The following DUSP11 variants were observed in gnomAD, a reference collection of about 807,000 sequenced individuals.
DUSP11 encodes the protein dual specificity phosphatase 11.
Under a neutral mutation model 41.4 loss-of-function variants are expected in DUSP11, and 27 were observed. The observed-to-expected ratio is 0.65, with a 90% CI of 0.48 to 0.90. DUSP11 has a LOEUF of 0.90. Among genes scored for constraint, DUSP11 ranks in the 40% least tolerant of loss-of-function variants. The pLI, the probability that DUSP11 is intolerant of heterozygous loss-of-function variation, is 0.00. For missense variants in DUSP11, 465 were observed against 461.1 expected, an observed-to-expected ratio of 1.01 and a Z score of -0.08; for synonymous variants, 188 against 159.3, an observed-to-expected ratio of 1.18 and a Z score of -1.35.
chr2:73,766,649 TTTAG>T, intron 7 of DUSP11, 55 bp from the exon 8 acceptor site: 1 of 1,530,144 alleles, frequency 6.5e-7, no homozygotes, highest in Non-Finnish European at 8.9e-7. Flanking sequence ...TAGTAGTCAA[TTTAG>T]TGACTATATT....
rs753138604 is a variant in DUSP11, at chr2:73,767,243, G to A, written c.636-36C>T. On this transcript the variant is annotated intron_variant, in intron 5 of 8. Coordinates refer to ENST00000272444, the Ensembl canonical transcript of DUSP11. ...AACATAATTTGGGTCATTTATATAC[G>A]AAAAGAAAAAAATCAAGTTTTTTCA... 5.2e-6 allele frequency: 8 copies of A among 1,549,306 alleles called. No individual in the cohort carries two copies. The East Asian group carries it at 6.8e-5, about 13-fold the overall frequency.
chr2:73,779,723 C>G, intron 1 of DUSP11, 151 bp downstream of exon 1: 2 of 1,165,580 alleles, frequency 1.7e-6, no homozygotes, highest in Non-Finnish European at 2.4e-6. Flanking sequence ...TCAGCTACAG[C>G]GGGTGGCGCA....
Position 73,778,384 on chromosome 2 carries a change from A to T in DUSP11, c.243-8T>A, listed in dbSNP as rs372146613. The T allele has an allele frequency of 9.5e-4, 1,421 of 1,501,602 alleles. 33 individuals carry two copies. The South Asian group carries it at 0.018, about 19-fold the overall frequency. The allele number at this position is 1,501,602 out of a possible 1,614,324, so 93.0% of individuals were successfully genotyped here. On this transcript the variant is annotated splice_region_variant and splice_polypyrimidine_tract_variant and intron_variant, in intron 1 of 8. Coordinates refer to ENST00000272444, the Ensembl canonical transcript of DUSP11. Reference sequence around the variant, plus strand: ...GGGAGATAGTCTTTCCACCTATTAGATATATTTTTTGTTAGCCAAATTGTA... The same window carrying T: ...GGGAGATAGTCTTTCCACCTATTAGTTATATTTTTTGTTAGCCAAATTGTA...
At chr2:73,779,261 T>C (rs903763043) in intron 1 of DUSP11, among the ~76,000 whole-genome samples, 7 of 152,126 alleles carry the variant, frequency 4.6e-5, no homozygotes, top group African/African-American at 1.4e-4. Context: ...TGACAGAAAG[T>C]GACAGTCAAA....
intron 1 of DUSP11, 26 bp from the exon 2 acceptor site, chr2:73,778,402 A>C (rs754244295): frequency 1.4e-6 from 2 of 1,412,084 alleles, no homozygotes; most frequent in Admixed American, 5.3e-5. Flanking sequence ...TTTGTTAGCC[A>C]AATTGTATGT....
chr2:73,768,816 C>T (rs538729012), intron 5 of DUSP11: 2 of 270,436 alleles, frequency 7.4e-6, no homozygotes, highest in Non-Finnish European at 5.7e-6. Flanking sequence ...ATTAGCCGGG[C>T]GTGGTGGCGG....
At chr2:73,779,718 T>C in intron 1 of DUSP11, 156 bp downstream of exon 1, 2 of 1,136,482 alleles carry the variant, frequency 1.8e-6, no homozygotes, top group Non-Finnish European at 1.2e-6. Context: ...CCCTTTCAGC[T>C]ACAGCGGGTG....
At chr2:73,769,466 C>A in intron 4 of DUSP11, 141 bp from the exon 5 acceptor site, 1 of 639,006 alleles carries the variant, frequency 1.6e-6, no homozygotes, top group Non-Finnish European at 2.6e-6. Context: ...AACAGAAAGC[C>A]AAAACTCACT....
intron 2 of DUSP11, 113 bp from the exon 3 acceptor site, chr2:73,775,157 C>T (rs1435995659): frequency 1.1e-6 from 1 of 929,834 alleles, no homozygotes; most frequent in African/African-American, 1.7e-5. Context: ...GGAAAGTTTC[C>T]ATTCTCCTGG....
intron 8 of DUSP11, among the ~76,000 whole-genome samples, chr2:73,765,151 C>T (rs993342375): frequency 6.6e-6 from 1 of 152,054 alleles, no homozygotes; most frequent in Non-Finnish European, 1.5e-5. Context: ...AGTGGGTGGA[C>T]TGAGTGGGAG....
At chr2:73,776,077 A>T (rs1672678622) in intron 2 of DUSP11, among the ~76,000 whole-genome samples, 1 of 151,958 alleles carries the variant, frequency 6.6e-6, no homozygotes, top group Non-Finnish European at 1.5e-5. Context: ...CTGTTCCTTC[A>T]ATCTGTCTGG....
exon 2 of DUSP11, chr2:73,778,349 C>T (rs1285791512): frequency 1.3e-6 from 2 of 1,551,194 alleles, no homozygotes; most frequent in African/African-American, 1.4e-5. Context: ...CAGGCATCCG[C>T]TGTCCAACTG....
At chr2:73,766,510 T>A in exon 8 of DUSP11, 4 of 1,614,148 alleles carry the variant, frequency 2.5e-6, no homozygotes, top group Non-Finnish European at 3.4e-6. Context: ...TAGGTCCTTG[T>A]TTAACAGGCT....
intron 8 of DUSP11, 28 bp from the exon 9 acceptor site, chr2:73,762,887 C>CTAGTAATGGCTT: frequency 1.7e-6 from 2 of 1,170,400 alleles, no homozygotes; most frequent in Non-Finnish European, 2.4e-6. Flanking sequence ...AGTAATAAGC[C>CTAGTAATGGCTT]ATTACTAGGA....
intron 8 of DUSP11, among the ~76,000 whole-genome samples, chr2:73,765,866 T>C (rs1277936272): frequency 6.6e-6 from 1 of 152,206 alleles, no homozygotes; most frequent in African/African-American, 2.4e-5. Context: ...ATCAAACTCT[T>C]GGCTTAAGTT....
exon 4 of DUSP11, chr2:73,773,814 T>G (rs1672630342): frequency 6.2e-7 from 1 of 1,607,104 alleles, no homozygotes; most frequent in Non-Finnish European, 8.5e-7. Context: ...ATCTTTATTT[T>G]CTTTCAAAAA....
At chr2:73,768,535 C>T (rs1200940264) in intron 5 of DUSP11, 4 of 985,218 alleles carry the variant, frequency 4.1e-6, no homozygotes, top group South Asian at 4.7e-5. Flanking sequence ...AAATTACCTC[C>T]GGGGCTATGA....
rs1672653777 is a variant in DUSP11, at chr2:73,775,131, TACA to T, written c.319-90_319-88del. 3.6e-6 allele frequency: 4 copies of T among 1,122,954 alleles called. No individual in the cohort carries two copies. In the South Asian group the frequency reaches 5.3e-5, roughly 15 times the overall value. 69.6% of individuals were successfully genotyped at this position (1,122,954 alleles called of 1,614,324 possible). A position where few individuals can be genotyped will look rare whatever the true frequency, so the allele number is the denominator to read the frequency against. Reference sequence around the variant, plus strand: ...TTATTCAAGTCCTGTGATGCTAACATACAACGAGATTCAAAGGAAAGTTTCCAT... The same window carrying T: ...TTATTCAAGTCCTGTGATGCTAACATACGAGATTCAAAGGAAAGTTTCCAT... On this transcript the variant is annotated intron_variant, in intron 2 of 8. Coordinates refer to ENST00000272444, the Ensembl canonical transcript of DUSP11.
At chr2:73,762,546 T>G in exon 9 of DUSP11, 2 of 716,952 alleles carry the variant, frequency 2.8e-6, no homozygotes, top group Non-Finnish European at 2.2e-6. Flanking sequence ...TCCTTAAGCT[T>G]GAATACATAA....
Sources: allele counts gnomAD v4.1 joint callset (sites outside exome capture counted in the v4.1 genomes callset), GRCh38; gene constraint gnomAD v4.1.1; transcripts MANE v1.5; gene names NCBI Gene and HGNC (gene_info 2026-07-23, HGNC 2026-07-21).